The following ADCY7 variants were observed in gnomAD, a reference collection of about 807,000 sequenced individuals.
The protein encoded by ADCY7 is adenylate cyclase type 7.
Under a neutral mutation model 120.6 loss-of-function variants are expected in ADCY7, and 72 were observed. The ratio of observed to expected loss-of-function variants is 0.60; its 90% confidence interval spans 0.49 to 0.73. ADCY7 has a LOEUF of 0.73. ADCY7 is among the 30% of genes least tolerant of loss of function. The pLI, the probability that ADCY7 is intolerant of heterozygous loss-of-function variation, is 0.00. For missense variants in ADCY7, 1,227 were observed against 1,486.0 expected (o/e 0.83, Z 2.87); for synonymous variants, 661 against 628.0 (o/e 1.05, Z -0.78).
intron 1 of ADCY7, among the ~76,000 whole-genome samples, chr16:50,283,002 G>A (rs1316441697): frequency 2.6e-5 from 4 of 152,156 alleles, no homozygotes; most frequent in Non-Finnish European, 5.9e-5. Flanking sequence ...ATGGAGGGAT[G>A]AGCGGGGCTG....
At chr16:50,308,555 T>C in intron 16 of ADCY7, 112 bp from the exon 17 acceptor site, 2 of 1,549,730 alleles carry the variant, frequency 1.3e-6, no homozygotes, top group Non-Finnish European at 1.7e-6. Context: ...GGGGACAATT[T>C]CCTGAGTGCC....
Position 50,312,915 on chromosome 16 carries a change from G to C in ADCY7, c.2630G>C (p.Cys877Ser), listed in dbSNP as rs200797412. 2.4e-5 allele frequency: 39 copies of C among 1,614,090 alleles called. No homozygotes were observed. The highest frequency in any genetic ancestry group is 1.6e-4 in the Middle Eastern group (1 of 6,084). The change falls in exon 22 of 26, where the codon TGC (cysteine) becomes TCC (serine). Residue 877 changes from cysteine (C) to serine (S), a missense_variant. Cys to Ser is a moderately radical substitution (Grantham distance 112). This residue lies in a region of ADCY7 where 244 missense variants were observed against 332.8 expected (regional missense o/e 0.73). Transcript: ENST00000673801. ...NEDWYHQSYD[C>S]VCVMFASVPD... is the part of the protein sequence containing the mutation. ...GACTGGTACCATCAGTCCTATGACT[G>C]CGTCTGTGTCATGTTTGCCTCCGTG...
At chr16:50,303,212 G>C (rs1015996792) in intron 10 of ADCY7, among the ~76,000 whole-genome samples, 1 of 152,100 alleles carries the variant, frequency 6.6e-6, no homozygotes, top group Non-Finnish European at 1.5e-5. Flanking sequence ...CCCCCACCAG[G>C]TTGCTCACCA....
chr16:50,248,225 G>A (rs1184952153), intron 1 of ADCY7, among the ~76,000 whole-genome samples: 3 of 151,964 alleles, frequency 2.0e-5, no homozygotes, highest in Non-Finnish European at 4.4e-5. Context: ...CCCTTGCCCC[G>A]CCCACCTCTC....
chr16:50,307,913 G>A (rs2036176847), intron 15 of ADCY7, among the ~76,000 whole-genome samples: 1 of 148,892 alleles, frequency 6.7e-6, no homozygotes, highest in African/African-American at 2.5e-5. Flanking sequence ...GGAGAATGGT[G>A]TGAACCTGGG....
chr16:50,307,437 T>A (rs991793640), intron 15 of ADCY7, among the ~76,000 whole-genome samples: 1 of 152,238 alleles, frequency 6.6e-6, no homozygotes, highest in Non-Finnish European at 1.5e-5. Context: ...CTTAGGTGTT[T>A]GGAGTGCTAG....
At chr16:50,253,884 G>T (rs2032833194) in intron 1 of ADCY7, among the ~76,000 whole-genome samples, 1 of 152,194 alleles carries the variant, frequency 6.6e-6, no homozygotes, top group Non-Finnish European at 1.5e-5. Flanking sequence ...AGCAGGAGGG[G>T]ACCTCAGGAA....
rs1023418317 is a variant in ADCY7, at chr16:50,313,440, A to C, written c.2751+404A>C. 1.7e-3 allele frequency: 304 copies of C among 182,732 alleles called. 1 individual carries two copies. The highest frequency in any genetic ancestry group is 6.4e-3 in the African/African-American group (267 of 41,940). The allele number at this position is 182,732 out of a possible 1,614,324, so 11.3% of individuals were successfully genotyped here. A position where few individuals can be genotyped will look rare whatever the true frequency, so the allele number is the denominator to read the frequency against. ...TCAAACAACAACAACAACAACAAAA[A>C]AAAAACGACGTGGCCCGCCTGGGGG... is the stretch of plus-strand genomic sequence containing the variant. On this transcript the variant is annotated intron_variant, in intron 22 of 25. Transcript: ENST00000673801.
chr16:50,315,277 T>C, intron 25 of ADCY7, 82 bp from the exon 26 acceptor site: 3 of 1,565,372 alleles, frequency 1.9e-6, no homozygotes, highest in South Asian at 2.4e-5. Flanking sequence ...GCAGACTGCA[T>C]GCCTGGGCAG....
chr16:50,314,465 T>A, intron 24 of ADCY7, 59 bp downstream of exon 24: 14 of 1,290,512 alleles, frequency 1.1e-5, no homozygotes, highest in East Asian at 2.3e-5. Flanking sequence ...GTCCACCCAG[T>A]CTGTGTGGCA....
At position 50,305,547 on chromosome 16, in the gene ADCY7, A is replaced by G; in HGVS notation, c.1640A>G (p.Asp547Gly). 6.2e-7 allele frequency: 1 copy of G among 1,608,382 alleles called. No homozygotes were observed. ...CGGTCGGAGGATGACTCGTACGATG[A>G]CGAGATGCTGTCAGCCATTGAGGGG... is the stretch of plus-strand genomic sequence containing the variant. ...KGRSEDDSYD[D>G]EMLSAIEGLS... The change falls in exon 13 of 26, where the codon GAC (aspartate) becomes GGC (glycine). Residue 547 changes from aspartate (D) to glycine (G), a missense_variant. Physicochemically the swap from Asp to Gly is moderately conservative, Grantham distance 94 (BLOSUM62 -1). Coordinates refer to ENST00000673801, the MANE Select transcript of ADCY7 (RefSeq NM_001114.5).
At chr16:50,271,926 G>A (rs564213242) in intron 1 of ADCY7, among the ~76,000 whole-genome samples, 2 of 152,262 alleles carry the variant, frequency 1.3e-5, no homozygotes, top group East Asian at 1.9e-4. Context: ...AAGGGACGCC[G>A]GGATACCCTC....
At chr16:50,255,214 G>A (rs560995847) in intron 1 of ADCY7, among the ~76,000 whole-genome samples, 3 of 151,230 alleles carry the variant, frequency 2.0e-5, no homozygotes, top group South Asian at 4.2e-4. Context: ...GGAGGATTGC[G>A]TGAGCCTAGG....
intron 17 of ADCY7, 129 bp downstream of exon 17, chr16:50,308,921 G>T: frequency 7.9e-7 from 1 of 1,261,190 alleles, no homozygotes; most frequent in East Asian, 2.6e-5. Flanking sequence ...TGGATGTGGG[G>T]GGTTCCCCTT....
intron 2 of ADCY7, among the ~76,000 whole-genome samples, chr16:50,288,558 A>G (rs1448176146): frequency 6.6e-6 from 1 of 151,834 alleles, no homozygotes; most frequent in Non-Finnish European, 1.5e-5. Context: ...GCTCACTGCA[A>G]CCTCCATCTC....
intron 1 of ADCY7, among the ~76,000 whole-genome samples, chr16:50,261,525 G>T (rs140888869): frequency 4.6e-5 from 7 of 150,950 alleles, no homozygotes; most frequent in African/African-American, 1.2e-4. Flanking sequence ...CAGGCACGTC[G>T]CAGAGCCTAG....
At chr16:50,249,770 G>A (rs1226734422) in intron 1 of ADCY7, among the ~76,000 whole-genome samples, 2 of 152,230 alleles carry the variant, frequency 1.3e-5, no homozygotes, top group Non-Finnish European at 2.9e-5. Flanking sequence ...GGGAGGTGGT[G>A]GGCATCTGGC....
intron 1 of ADCY7, among the ~76,000 whole-genome samples, chr16:50,246,597 A>C (rs929422794): frequency 3.3e-5 from 5 of 152,108 alleles, no homozygotes; most frequent in Non-Finnish European, 5.9e-5. Context: ...GGCCTGTTGG[A>C]AGCAAACACT....
intron 23 of ADCY7, 111 bp downstream of exon 23, chr16:50,314,173 C>G: frequency 7.1e-7 from 1 of 1,403,166 alleles, no homozygotes; most frequent in African/African-American, 1.4e-5. Context: ...GGCACAGGTA[C>G]TTGTAGGGCT....
Sources: allele counts gnomAD v4.1 joint callset (sites outside exome capture counted in the v4.1 genomes callset), GRCh38; gene constraint gnomAD v4.1.1; regional missense constraint gnomAD v4.1.1; transcripts MANE v1.5; gene names NCBI Gene and HGNC (gene_info 2026-07-23, HGNC 2026-07-21).